Variants in SERGEF observed in about 807,000 individuals in gnomAD.
SERGEF encodes the protein secretion regulating guanine nucleotide exchange factor, also known as secretion-regulating guanine nucleotide exchange factor.
A neutral mutation model predicts 50.0 loss-of-function variants in SERGEF; 51 were observed. That is an observed-to-expected ratio of 1.02 (90% CI 0.81 to 1.29). The LOEUF (loss-of-function observed/expected upper bound fraction) is 1.29, where lower values mean the gene tolerates loss of function less well. Ranked by LOEUF, SERGEF falls within the 50% of genes most tolerant of loss-of-function variation. The probability of loss-of-function intolerance (pLI) is 0.00; values close to 1 mark genes in which losing one functional copy is unlikely to be tolerated. For synonymous variants in SERGEF, 205 were observed against 212.4 expected, an observed-to-expected ratio of 0.97 and a Z score of 0.30; for missense variants, 521 against 557.0, an observed-to-expected ratio of 0.94 and a Z score of 0.65.
At chr11:17,885,125 T>C (rs1851405270) in intron 9 of SERGEF, among the ~76,000 whole-genome samples, 1 of 152,156 alleles carries the variant, frequency 6.6e-6, no homozygotes, top group Non-Finnish European at 1.5e-5. Context: ...CAAGTGACAG[T>C]TCTAACTCTT....
intron 8 of SERGEF, among the ~76,000 whole-genome samples, chr11:17,978,907 G>T (rs376259439): frequency 1.3e-5 from 2 of 152,164 alleles, no homozygotes; most frequent in Non-Finnish European, 2.9e-5. Context: ...GCCCCTTGTC[G>T]AATACACCCA....
intron 8 of SERGEF, among the ~76,000 whole-genome samples, chr11:17,971,776 A>G (rs920291739): frequency 2.6e-5 from 4 of 152,256 alleles, no homozygotes; most frequent in South Asian, 2.1e-4. Context: ...TTGTAAAGCT[A>G]TAGCTGCCAT....
At chr11:17,976,050 T>C (rs1853366920) in intron 8 of SERGEF, among the ~76,000 whole-genome samples, 1 of 152,150 alleles carries the variant, frequency 6.6e-6, no homozygotes, top group South Asian at 2.1e-4. Flanking sequence ...AAGGCCCTCA[T>C]TTTACAGGTG....
chr11:17,913,778 C>T (rs1032605032), intron 9 of SERGEF, among the ~76,000 whole-genome samples: 1 of 152,052 alleles, frequency 6.6e-6, no homozygotes, highest in Non-Finnish European at 1.5e-5. Context: ...TGTAGGCAGC[C>T]CTCACACAGC....
At chr11:17,973,867 T>C (rs1170633075) in intron 8 of SERGEF, among the ~76,000 whole-genome samples, 1 of 152,066 alleles carries the variant, frequency 6.6e-6, no homozygotes, top group Non-Finnish European at 1.5e-5. Flanking sequence ...GGCACTTGCA[T>C]TGAGCAGTGG....
At chr11:17,987,139 T>G (rs1379266627) in intron 8 of SERGEF, among the ~76,000 whole-genome samples, 1 of 152,248 alleles carries the variant, frequency 6.6e-6, no homozygotes, top group Non-Finnish European at 1.5e-5. Flanking sequence ...CCTATTTGGT[T>G]GGACACCAGA....
intron 10 of SERGEF, among the ~76,000 whole-genome samples, chr11:17,862,470 G>C (rs1003135141): frequency 1.3e-5 from 2 of 152,182 alleles, no homozygotes; most frequent in African/African-American, 4.8e-5. Flanking sequence ...CTATTGCATG[G>C]TACAGCTTCT....
At chr11:17,851,190 A>G (rs1257551651) in intron 10 of SERGEF, among the ~76,000 whole-genome samples, 2 of 152,104 alleles carry the variant, frequency 1.3e-5, no homozygotes, top group African/African-American at 2.4e-5. Context: ...TCCTCCTTAC[A>G]GTCCTGTGAG....
In SERGEF at chr11:17,920,133, G is replaced by T. The variant is rs570664554; in HGVS notation, c.1011+39337C>A. The stretch of plus-strand genomic sequence containing the variant: ...ATGGTGGCACGCGCCTGTAGTCCTA[G>T]CTACTCAGGAGGCTGAGGCAGGAGA... On this transcript the variant is annotated intron_variant, in intron 9 of 10. Transcript: ENST00000265965. Among the ~76,000 whole-genome samples the T allele has an allele frequency of 1.3e-3, 204 of 151,652 alleles. 1 individual carries two copies. Among genetic ancestry groups the T allele is most frequent in the Non-Finnish European group, 2.3e-3 (159 of 67,952 alleles).
At chr11:17,789,356 T>C (rs1849440365) in intron 10 of SERGEF, among the ~76,000 whole-genome samples, 1 of 152,254 alleles carries the variant, frequency 6.6e-6, no homozygotes, top group Admixed American at 6.5e-5. Flanking sequence ...GTATACTTTC[T>C]TCACTGCTGT....
chr11:17,995,540 T>A (rs1853819035), intron 6 of SERGEF, among the ~76,000 whole-genome samples: 1 of 152,156 alleles, frequency 6.6e-6, no homozygotes, highest in Admixed American at 6.5e-5. Context: ...TTTTAACAGT[T>A]CTAGAGTTAC....
intron 10 of SERGEF, among the ~76,000 whole-genome samples, chr11:17,811,982 T>C (rs898867732): frequency 6.6e-6 from 1 of 152,142 alleles, no homozygotes; most frequent in African/African-American, 2.4e-5. Flanking sequence ...TGAATGAAAC[T>C]AGCATCCCAA....
chr11:17,980,482 G>A (rs1853475498), intron 8 of SERGEF, among the ~76,000 whole-genome samples: 1 of 152,210 alleles, frequency 6.6e-6, no homozygotes, highest in Admixed American at 6.5e-5. Context: ...AGTATTTATA[G>A]GAGCTATAAT....
At chr11:17,983,304 T>C (rs1376351816) in intron 8 of SERGEF, among the ~76,000 whole-genome samples, 1 of 152,100 alleles carries the variant, frequency 6.6e-6, no homozygotes, top group Non-Finnish European at 1.5e-5. Flanking sequence ...TAACCAGCAT[T>C]TGTAAGCACT....
At chr11:17,791,166 A>G (rs1270028274) in intron 10 of SERGEF, among the ~76,000 whole-genome samples, 1 of 152,194 alleles carries the variant, frequency 6.6e-6, no homozygotes, top group Non-Finnish European at 1.5e-5. Flanking sequence ...CCTGCATTCT[A>G]TTATCAGATC....
At chr11:17,943,538 C>A (rs1242838201) in intron 9 of SERGEF, among the ~76,000 whole-genome samples, 1 of 151,786 alleles carries the variant, frequency 6.6e-6, no homozygotes, top group Non-Finnish European at 1.5e-5. Context: ...TTTTATTTTT[C>A]TCTCCTTTCT....
chr11:17,891,987 T>G (rs1022210074), intron 9 of SERGEF, among the ~76,000 whole-genome samples: 1 of 152,278 alleles, frequency 6.6e-6, no homozygotes, highest in African/African-American at 2.4e-5. Context: ...TATTTGCATA[T>G]AGATAAATTC....
intron 9 of SERGEF, among the ~76,000 whole-genome samples, chr11:17,940,300 T>C (rs1307307747): frequency 1.3e-5 from 2 of 152,186 alleles, no homozygotes; most frequent in Non-Finnish European, 2.9e-5. Context: ...CCATCTGGGA[T>C]AGAGGAAAAG....
chr11:17,996,202 C>T (rs1853834338), intron 5 of SERGEF, among the ~76,000 whole-genome samples: 1 of 152,120 alleles, frequency 6.6e-6, no homozygotes, highest in Non-Finnish European at 1.5e-5. Context: ...AGTGGAATGA[C>T]ACCTTATTCA....
Sources: gnomAD v4.1 joint callset for allele counts (sites outside exome capture counted in the v4.1 genomes callset) on GRCh38, gnomAD v4.1.1 for gene constraint, MANE v1.5 for transcripts, NCBI Gene and HGNC (gene_info 2026-07-23, HGNC 2026-07-21) for gene names.